Variants in TPST2 observed in about 807,000 individuals in gnomAD.
The protein encoded by TPST2 is tyrosylprotein sulfotransferase 2.
TPST2 carries 16 observed loss-of-function variants against 27.8 expected under a neutral mutation model. The ratio of observed to expected loss-of-function variants is 0.58; its 90% CI spans 0.39 to 0.88. The LOEUF is 0.88. Ranked by LOEUF, TPST2 falls within the 40% of genes least tolerant of loss-of-function variation. TPST2 has a pLI of 0.00. For synonymous variants in TPST2, 229 were observed against 231.7 expected (o/e 0.99, Z 0.10); for missense variants, 464 against 543.1 (o/e 0.85, Z 1.45).
Position 26,532,142 on chromosome 22 carries a change from C to T in TPST2, c.1092+553G>A, listed in dbSNP as rs115970767. Among the ~76,000 whole-genome samples the T allele has an allele frequency of 6.2e-3, 941 of 152,172 alleles. 10 individuals are homozygous for T. The highest frequency in any genetic ancestry group is 0.021 in the African/African-American group (889 of 41,518). ...AAGAAAGCCCAAGAAAAAGTCCCCA[C>T]GAAGTCCCTCCAACTGCATTCAAGC... On this transcript the variant is annotated intron_variant, in intron 5 of 6. Coordinates refer to ENST00000338754, the MANE Select transcript of TPST2 (RefSeq NM_003595.5).
At chr22:26,571,310 C>A (rs1055453114) in intron 1 of TPST2, among the ~76,000 whole-genome samples, 1 of 152,222 alleles carries the variant, frequency 6.6e-6, no homozygotes, top group Non-Finnish European at 1.5e-5. Context: ...ACTTGGCTCA[C>A]TCTCTCACCC....
chr22:26,579,596 G>A (rs748611596), intron 1 of TPST2, among the ~76,000 whole-genome samples: 1 of 152,214 alleles, frequency 6.6e-6, no homozygotes, highest in African/African-American at 2.4e-5. Context: ...CTGAGCCCCC[G>A]GGCTCTGCAA....
rs188287887 is a variant in TPST2, at chr22:26,575,689, G to A, written c.-161+14364C>T. On this transcript the variant is annotated intron_variant, in intron 1 of 6. Transcript: ENST00000338754. ...AAAACCCGCTGCTGTAAATGATGAT[G>A]GCATCCTTTTAAAATGAAGATGCAG... Among the ~76,000 whole-genome samples, 9 of 152,282 alleles carry A rather than the reference G, an allele frequency of 5.9e-5. No homozygotes were observed. In the East Asian group the frequency reaches 1.7e-3, roughly 29 times the overall value.
At chr22:26,531,999 T>C (rs1925186935) in intron 5 of TPST2, among the ~76,000 whole-genome samples, 1 of 152,176 alleles carries the variant, frequency 6.6e-6, no homozygotes, top group African/African-American at 2.4e-5. Context: ...CCGGGCATGA[T>C]GGTGTGTGTC....
chr22:26,577,909 C>T (rs1927919963), intron 1 of TPST2, among the ~76,000 whole-genome samples: 1 of 151,906 alleles, frequency 6.6e-6, no homozygotes, highest in Non-Finnish European at 1.5e-5. Flanking sequence ...AGGTCTAGAC[C>T]TCCTAAAGTG....
At chr22:26,581,850 G>A (rs1036372494) in intron 1 of TPST2, among the ~76,000 whole-genome samples, 2 of 152,210 alleles carry the variant, frequency 1.3e-5, no homozygotes, top group African/African-American at 4.8e-5. Flanking sequence ...TCAAAGGCCA[G>A]CAATGTGGGC....
At chr22:26,566,075 G>A (rs933164428) in intron 1 of TPST2, among the ~76,000 whole-genome samples, 2 of 152,194 alleles carry the variant, frequency 1.3e-5, no homozygotes, top group Non-Finnish European at 1.5e-5. Context: ...CATTTCGAGG[G>A]CTCTGCAGCC....
chr22:26,556,781 G>A (rs75424557), intron 1 of TPST2, among the ~76,000 whole-genome samples: 3,566 of 152,274 alleles, frequency 0.023, 148 homozygotes, highest in African/African-American at 0.082. Context: ...CCATGGTCCT[G>A]CCTCAGGAGT....
At chr22:26,555,284 G>A (rs751780445) in intron 1 of TPST2, 11 of 524,046 alleles carry the variant, frequency 2.1e-5, no homozygotes, top group South Asian at 1.1e-4. Flanking sequence ...ACCAAAGACC[G>A]CAATTACTTT....
intron 1 of TPST2, among the ~76,000 whole-genome samples, chr22:26,583,581 C>T (rs1001632784): frequency 4.0e-5 from 6 of 150,710 alleles, no homozygotes; most frequent in African/African-American, 1.2e-4. Context: ...TTGTGCCATG[C>T]GCGATGGCTC....
rs138435352 is a variant in TPST2 at position 26,571,188 on chromosome 22, T to C, written c.-161+18865A>G. On this transcript the variant is annotated intron_variant, in intron 1 of 6. Coordinates refer to ENST00000338754, the MANE Select transcript of TPST2 (RefSeq NM_003595.5). ...CCCAACCCCACTGGCCCTTGCCTCT[T>C]CTCCAGCCACGCTGGCCCCCTTGCT... Among the ~76,000 whole-genome samples, 648 of 152,240 alleles carry C rather than the reference T, an allele frequency of 4.3e-3. 5 individuals are homozygous for C. Among genetic ancestry groups the C allele is most frequent in the African/African-American group, 0.015 (608 of 41,538 alleles).
chr22:26,570,861 T>A (rs113828635), intron 1 of TPST2, among the ~76,000 whole-genome samples: 1,784 of 152,326 alleles, frequency 0.012, 33 homozygotes, highest in African/African-American at 0.041. Flanking sequence ...CAGCAACTCC[T>A]GTTAACTTCA....
At chr22:26,543,763 C>T (rs1925980560) in intron 2 of TPST2, among the ~76,000 whole-genome samples, 1 of 152,194 alleles carries the variant, frequency 6.6e-6, no homozygotes, top group African/African-American at 2.4e-5. Context: ...CAGGCCAAGG[C>T]TGAAGAAAAC....
At chr22:26,528,089 GC>G in intron 6 of TPST2, 124 bp downstream of exon 6, 1 of 1,124,694 alleles carries the variant, frequency 8.9e-7, no homozygotes, top group Non-Finnish European at 1.3e-6. Context: ...GGCTGGGTCA[GC>G]CCACCCTAGT....
At chr22:26,577,265 T>TTA (rs1555935594) in intron 1 of TPST2, among the ~76,000 whole-genome samples, 15 of 127,560 alleles carry the variant, frequency 1.2e-4, no homozygotes, top group East Asian at 1.1e-3. Flanking sequence ...ACCCTGTCTT[T>TTA]AAAAAAAAAA....
rs1420097336 is a variant in TPST2, at chr22:26,583,083, G to C, written c.-161+6970C>G. ...GCCGAGATCACACCACTGCACTCTA[G>C]CTTGGGCAACAGAGCGAGACTCCAT... On this transcript the variant is annotated intron_variant, in intron 1 of 6. Transcript: ENST00000338754. Among the ~76,000 whole-genome samples the C allele has an allele frequency of 4.1e-5, 6 of 147,418 alleles. No homozygotes were observed. The Admixed American group carries it at 4.1e-4, about 10-fold the overall frequency.
intron 5 of TPST2, among the ~76,000 whole-genome samples, chr22:26,529,485 G>T (rs577815475): frequency 2.2e-4 from 34 of 152,176 alleles, no homozygotes; most frequent in African/African-American, 8.0e-4. Context: ...CCTCCTGGGA[G>T]GGGAGAGGGG....
At chr22:26,530,799 C>G (rs1019287032) in intron 5 of TPST2, among the ~76,000 whole-genome samples, 1 of 152,044 alleles carries the variant, frequency 6.6e-6, no homozygotes, top group Non-Finnish European at 1.5e-5. Context: ...CACTTGAGGT[C>G]AGGAGTTCGA....
chr22:26,546,006 G>A (rs1926102206), intron 1 of TPST2, among the ~76,000 whole-genome samples: 3 of 151,808 alleles, frequency 2.0e-5, no homozygotes, highest in Admixed American at 1.3e-4. Context: ...AAGCCCAGGA[G>A]GTCGAGGCTG....
Sources: gnomAD v4.1 joint callset for allele counts (sites outside exome capture counted in the v4.1 genomes callset) on GRCh38, gnomAD v4.1.1 for gene constraint, MANE v1.5 for transcripts, NCBI Gene and HGNC (gene_info 2026-07-23, HGNC 2026-07-21) for gene names.